The following SORCS3 variants were observed in gnomAD, a reference collection of about 807,000 sequenced individuals.
SORCS3 encodes the protein sortilin related VPS10 domain containing receptor 3.
Under a neutral mutation model 146.3 loss-of-function variants are expected in SORCS3, and 57 were observed. That is an observed-to-expected ratio of 0.39 (90% CI 0.31 to 0.49). The LOEUF (loss-of-function observed/expected upper bound fraction) is 0.49. SORCS3 is among the 20% of genes least tolerant of loss of function. The pLI, the probability that SORCS3 is intolerant of heterozygous loss-of-function variation, is 0.92. For synonymous variants in SORCS3, 653 were observed against 618.5 expected (o/e 1.06, Z -0.83); for missense variants, 1,341 against 1,575.5 (o/e 0.85, Z 2.52).
chr10:105,178,773 C>A (rs771134665), intron 14 of SORCS3, among the ~76,000 whole-genome samples: 3 of 152,150 alleles, frequency 2.0e-5, no homozygotes, highest in Non-Finnish European at 4.4e-5. Flanking sequence ...CCGTAATCCT[C>A]CACCAACCAA....
intron 4 of SORCS3, among the ~76,000 whole-genome samples, chr10:104,993,969 A>G (rs2055009241): frequency 6.6e-6 from 1 of 152,200 alleles, no homozygotes; most frequent in Non-Finnish European, 1.5e-5. Context: ...AAATTTTCTC[A>G]TAGTGAATAC....
At chr10:105,066,397 T>G (rs898284337) in intron 5 of SORCS3, among the ~76,000 whole-genome samples, 1 of 152,056 alleles carries the variant, frequency 6.6e-6, no homozygotes, top group Non-Finnish European at 1.5e-5. Flanking sequence ...GTTTAGAGGT[T>G]GAGAGTTGGT....
At chr10:104,959,987 T>C (rs1449884234) in intron 3 of SORCS3, among the ~76,000 whole-genome samples, 2 of 152,212 alleles carry the variant, frequency 1.3e-5, no homozygotes, top group Admixed American at 1.3e-4. Flanking sequence ...GTCTCTTATG[T>C]GGTCCATTGT....
At chr10:105,161,735 C>T (rs566047007) in intron 11 of SORCS3, among the ~76,000 whole-genome samples, 1 of 152,296 alleles carries the variant, frequency 6.6e-6, no homozygotes, top group African/African-American at 2.4e-5. Context: ...GATTGCATAA[C>T]TGCACGATGA....
chr10:104,904,731 AAC>A (rs961833020), intron 2 of SORCS3, among the ~76,000 whole-genome samples: 1 of 152,046 alleles, frequency 6.6e-6, no homozygotes, highest in African/African-American at 2.4e-5. Flanking sequence ...GTTAAAGAAA[AAC>A]ACACCAAAAT....
At chr10:104,694,645 T>C (rs1300534523) in intron 1 of SORCS3, among the ~76,000 whole-genome samples, 4 of 152,158 alleles carry the variant, frequency 2.6e-5, no homozygotes, top group Non-Finnish European at 5.9e-5. Context: ...CAAGGAAGGA[T>C]GGATGCAGAG....
At chr10:104,954,436 C>T (rs1195786418) in intron 3 of SORCS3, among the ~76,000 whole-genome samples, 1 of 152,148 alleles carries the variant, frequency 6.6e-6, no homozygotes, top group African/African-American at 2.4e-5. Context: ...ACACATGCTT[C>T]ATAAAGCTGT....
chr10:105,101,179 A>C (rs950752141), intron 6 of SORCS3, among the ~76,000 whole-genome samples: 7 of 152,226 alleles, frequency 4.6e-5, no homozygotes, highest in African/African-American at 1.4e-4. Context: ...TGTGAATTTC[A>C]TCATAGAATC....
In SORCS3 at chr10:104,736,425, A is replaced by C. The variant is rs72813691; in HGVS notation, c.627+94471A>C. ...CACTCAAGTGGAAAGAACACATTCC[A>C]CATGGTACACGGACACATGTGTTTT... On this transcript the variant is annotated intron_variant, in intron 1 of 26. Transcript: ENST00000369701. Among the ~76,000 whole-genome samples, 985 of 152,312 alleles carry C rather than the reference A, an allele frequency of 6.5e-3. 2 individuals carry two copies. Among genetic ancestry groups the C allele is most frequent in the Admixed American group, 0.014 (219 of 15,304 alleles).
At chr10:104,768,483 C>T (rs936179771) in intron 1 of SORCS3, among the ~76,000 whole-genome samples, 5 of 151,926 alleles carry the variant, frequency 3.3e-5, no homozygotes, top group African/African-American at 9.7e-5. Context: ...GTGGTTGAGA[C>T]GGGGCCAGGG....
intron 2 of SORCS3, among the ~76,000 whole-genome samples, chr10:104,876,329 A>G (rs1457718187): frequency 6.6e-6 from 1 of 152,132 alleles, no homozygotes; most frequent in Non-Finnish European, 1.5e-5. Flanking sequence ...TAATACTGTC[A>G]CCCTGATCTT....
At chr10:105,038,976 A>G (rs985512157) in intron 4 of SORCS3, among the ~76,000 whole-genome samples, 3 of 152,226 alleles carry the variant, frequency 2.0e-5, no homozygotes, top group African/African-American at 7.2e-5. Context: ...CAGTCTTGCC[A>G]TTGCAGAGAT....
intron 4 of SORCS3, among the ~76,000 whole-genome samples, chr10:105,012,641 C>T (rs533838068): frequency 2.0e-5 from 3 of 152,286 alleles, no homozygotes; most frequent in East Asian, 3.9e-4. Flanking sequence ...TTCCACCTTT[C>T]GTTTTCTCCC....
chr10:105,036,187 T>C (rs757364885), intron 4 of SORCS3, among the ~76,000 whole-genome samples: 1 of 152,140 alleles, frequency 6.6e-6, no homozygotes, highest in Non-Finnish European at 1.5e-5. Context: ...AGCCACAATT[T>C]TTGGGGAAGG....
intron 3 of SORCS3, among the ~76,000 whole-genome samples, chr10:104,928,681 G>T (rs1242232572): frequency 1.3e-5 from 2 of 152,144 alleles, no homozygotes; most frequent in African/African-American, 4.8e-5. Context: ...GGCAATGAGG[G>T]CCAAGTGTCC....
At chr10:104,898,518 C>T (rs892692093) in intron 2 of SORCS3, among the ~76,000 whole-genome samples, 3 of 152,126 alleles carry the variant, frequency 2.0e-5, no homozygotes, top group Admixed American at 6.5e-5. Flanking sequence ...ACCCTGGAAC[C>T]TCACTGTTAT....
intron 1 of SORCS3, among the ~76,000 whole-genome samples, chr10:104,721,451 G>C (rs578156313): frequency 1.3e-4 from 20 of 152,268 alleles, no homozygotes; most frequent in African/African-American, 4.3e-4. Flanking sequence ...GATTGACTTG[G>C]CAATGCGGGC....
chr10:104,807,183 C>G lies in SORCS3; in HGVS notation c.628-35609C>G, dbSNP rs774778286. Among the ~76,000 whole-genome samples, 32 of 150,796 alleles carry G rather than the reference C, an allele frequency of 2.1e-4. 1 individual carries two copies. Among genetic ancestry groups the G allele is most frequent in the Admixed American group, 1.3e-3 (20 of 15,148 alleles). ...ATCTCTTCACTAAGCTCCTTGCTCT[C>G]TGTGTGTGTGTGCGCATGTGTGTGT... On this transcript the variant is annotated intron_variant, in intron 1 of 26. Coordinates refer to ENST00000369701, the MANE Select transcript of SORCS3 (RefSeq NM_014978.3).
intron 1 of SORCS3, among the ~76,000 whole-genome samples, chr10:104,829,352 C>T (rs1272353078): frequency 1.3e-5 from 2 of 152,034 alleles, no homozygotes; most frequent in African/African-American, 4.8e-5. Context: ...ACAGCTGAGA[C>T]ATCAGAGTGT....
Sources: gnomAD v4.1 joint callset for allele counts (sites outside exome capture counted in the v4.1 genomes callset) on GRCh38, gnomAD v4.1.1 for gene constraint, MANE v1.5 for transcripts, NCBI Gene and HGNC (gene_info 2026-07-23, HGNC 2026-07-21) for gene names.